The following FMN2 variants were observed in gnomAD, a reference collection of about 807,000 sequenced individuals.
FMN2 encodes formin 2.
A neutral mutation model predicts 142.3 loss-of-function variants in FMN2; 51 were observed. The observed-to-expected ratio is 0.36, with a 90% CI of 0.29 to 0.45. FMN2 has a LOEUF of 0.45. FMN2 is among the 20% of genes least tolerant of loss of function. The pLI, the probability that FMN2 is intolerant of heterozygous loss-of-function variation, is 1.00. For synonymous variants in FMN2, 882 were observed against 869.8 expected (o/e 1.01, Z -0.25); for missense variants, 1,936 against 2,122.8 (o/e 0.91, Z 1.73).
chr1:240,294,504 T>A (rs1669900415), intron 7 of FMN2, among the ~76,000 whole-genome samples: 1 of 152,228 alleles, frequency 6.6e-6, no homozygotes, highest in Non-Finnish European at 1.5e-5. Flanking sequence ...AGTGATTTGC[T>A]TATTTTGCTG....
chr1:240,422,114 G>A (rs2103144220), intron 15 of FMN2, among the ~76,000 whole-genome samples: 1 of 152,274 alleles, frequency 6.6e-6, no homozygotes, highest in African/African-American at 2.4e-5. Flanking sequence ...TGATCTGTCT[G>A]TCTGTTCTTT....
Position 240,118,952 on chromosome 1 carries a change from G to A in FMN2, c.1616-4227G>A, listed in dbSNP as rs997479387. Among the ~76,000 whole-genome samples, 4 of 152,130 alleles carry A rather than the reference G, an allele frequency of 2.6e-5. No individual in the cohort carries two copies. In the East Asian group the frequency reaches 5.8e-4, roughly 22 times the overall value. On this transcript the variant is annotated intron_variant, in intron 1 of 17. Coordinates refer to ENST00000319653, the MANE Select transcript of FMN2 (RefSeq NM_020066.5). ...TTCAGAAAAGCTCATGGTTTTGAAG[G>A]AGAATAAATCATCTGGAAGTGTTCA...
At chr1:240,394,206 T>C (rs1673699142) in intron 15 of FMN2, among the ~76,000 whole-genome samples, 1 of 152,182 alleles carries the variant, frequency 6.6e-6, no homozygotes, top group Non-Finnish European at 1.5e-5. Flanking sequence ...GGAAGCCTGA[T>C]GGTTGGTTTC....
At chr1:240,272,842 C>T (rs1005521342) in intron 7 of FMN2, among the ~76,000 whole-genome samples, 5 of 152,084 alleles carry the variant, frequency 3.3e-5, no homozygotes, top group South Asian at 2.1e-4. Flanking sequence ...ATGAATACAG[C>T]GAGATCTTTA....
At chr1:240,413,724 C>T (rs1461641172) in intron 15 of FMN2, among the ~76,000 whole-genome samples, 1 of 152,184 alleles carries the variant, frequency 6.6e-6, no homozygotes, top group Non-Finnish European at 1.5e-5. Context: ...GTTTGGACAT[C>T]ATAGGAGATG....
Position 240,165,670 on chromosome 1 carries a change from T to G in FMN2, c.1783-12251T>G, listed in dbSNP as rs151232001. On this transcript the variant is annotated intron_variant, in intron 2 of 17. Coordinates refer to ENST00000319653, the MANE Select transcript of FMN2 (RefSeq NM_020066.5). ...TTTTATGCTGTGCAAATGCTTAGTT[T>G]GATCTCATCTTTTCCCAGATAGGAT... 3.9e-4 allele frequency among the ~76,000 whole-genome samples: 60 copies of G among 152,198 alleles called. No homozygotes were observed. The East Asian group carries it at 0.01, about 26-fold the overall frequency.
chr1:240,239,352 C>T (rs1288416749), intron 6 of FMN2, among the ~76,000 whole-genome samples: 1 of 152,098 alleles, frequency 6.6e-6, no homozygotes, highest in Admixed American at 6.6e-5. Context: ...AATATATGAT[C>T]TCTGAAAATG....
intron 6 of FMN2, among the ~76,000 whole-genome samples, chr1:240,241,825 C>CTTCTTTTTTTTTTTTTTTTTTTTTTTT (rs1667908718): frequency 3.1e-5 from 3 of 96,202 alleles, no homozygotes; most frequent in East Asian, 3.2e-4. Context: ...GTGTGCCTTG[C>CTTCTTTTTTTTTTTTTTTTTTTTTTTT]TTTTTTTTTT....
At chr1:240,408,081 A>C (rs997589230) in intron 15 of FMN2, among the ~76,000 whole-genome samples, 2 of 152,254 alleles carry the variant, frequency 1.3e-5, no homozygotes, top group Non-Finnish European at 2.9e-5. Context: ...AAATGGTATG[A>C]AAATATATTC....
chr1:240,221,395 T>G (rs1667106288), intron 6 of FMN2, among the ~76,000 whole-genome samples: 1 of 152,208 alleles, frequency 6.6e-6, no homozygotes, highest in African/African-American at 2.4e-5. Context: ...TCCCAACTTT[T>G]TAATGATCGC....
At position 240,282,054 on chromosome 1, in the gene FMN2, A is replaced by G. The variant is rs547784696; in HGVS notation, c.4154-12768A>G. Among the ~76,000 whole-genome samples, 3 of 152,322 alleles carry G rather than the reference A, an allele frequency of 2.0e-5. No individual in the cohort carries two copies. The South Asian group carries it at 6.2e-4, about 32-fold the overall frequency. On this transcript the variant is annotated intron_variant, in intron 7 of 17. Transcript: ENST00000319653. ...ACAAAGGTATATGTGCTATTTAGAC[A>G]TTGACCGAAAACTGAAGAACCTTTC...
intron 15 of FMN2, among the ~76,000 whole-genome samples, chr1:240,435,168 C>A (rs1292885657): frequency 6.9e-6 from 1 of 144,260 alleles, no homozygotes; most frequent in Admixed American, 6.7e-5. Flanking sequence ...AAAGTGAATA[C>A]ATATATTACT....
intron 16 of FMN2, among the ~76,000 whole-genome samples, chr1:240,468,302 A>ACACACACATATACATATGCG (rs1558123921): frequency 1.3e-5 from 2 of 151,940 alleles, no homozygotes. Flanking sequence ...ATACATATGC[A>ACACACACATATACATATGCG]CACACACATA....
intron 15 of FMN2, among the ~76,000 whole-genome samples, chr1:240,424,500 T>C (rs976139892): frequency 6.6e-6 from 1 of 152,184 alleles, no homozygotes; most frequent in Non-Finnish European, 1.5e-5. Context: ...GATATGGGAA[T>C]GAGGGAAAGG....
At chr1:240,376,132 C>A (rs1469523447) in intron 14 of FMN2, among the ~76,000 whole-genome samples, 2 of 152,022 alleles carry the variant, frequency 1.3e-5, no homozygotes, top group African/African-American at 4.8e-5. Flanking sequence ...ATTTTTAATA[C>A]AGCTACTTCA....
chr1:240,095,822 A>G (rs190345297), intron 1 of FMN2, among the ~76,000 whole-genome samples: 1 of 152,266 alleles, frequency 6.6e-6, no homozygotes, highest in East Asian at 1.9e-4. Context: ...GGACTCTTAA[A>G]AGAGTCCTGT....
chr1:240,337,083 A>G (rs1187557570), intron 13 of FMN2, among the ~76,000 whole-genome samples: 2 of 152,078 alleles, frequency 1.3e-5, no homozygotes, highest in East Asian at 3.8e-4. Flanking sequence ...ATAGATATGT[A>G]CGTCTATCTG....
intron 2 of FMN2, 122 bp from the exon 3 acceptor site, chr1:240,177,798 GT>G (rs1664980902): frequency 2.6e-6 from 2 of 773,472 alleles, no homozygotes; most frequent in Non-Finnish European, 3.7e-6. Flanking sequence ...CTGTTTTAAT[GT>G]TTCATATATG....
chr1:240,176,889 T>A (rs1450309890), intron 2 of FMN2, among the ~76,000 whole-genome samples: 1 of 152,214 alleles, frequency 6.6e-6, no homozygotes, highest in Non-Finnish European at 1.5e-5. Flanking sequence ...TTAAACTAAC[T>A]GGTCTATACA....
Sources: allele counts gnomAD v4.1 joint callset (sites outside exome capture counted in the v4.1 genomes callset), GRCh38; gene constraint gnomAD v4.1.1; transcripts MANE v1.5; gene names NCBI Gene and HGNC (gene_info 2026-07-23, HGNC 2026-07-21).